The following OIP5 variants were observed in gnomAD, a reference collection of about 807,000 sequenced individuals.
The protein encoded by OIP5 is Opa interacting protein 5, also known as protein Mis18-beta.
Under a neutral mutation model 20.3 loss-of-function variants are expected in OIP5, and 24 were observed. The observed-to-expected ratio is 1.18, with a 90% CI of 0.86 to 1.66. The LOEUF (loss-of-function observed/expected upper bound fraction) is 1.66. Ranked by LOEUF, OIP5 falls within the 40% of genes most tolerant of loss-of-function variation. The probability of loss-of-function intolerance (pLI) is 0.00; values close to 1 mark genes in which losing one functional copy is unlikely to be tolerated. For synonymous variants in OIP5, 143 were observed against 121.3 expected, an observed-to-expected ratio of 1.18 and a Z score of -1.17; for missense variants, 339 against 289.5, an observed-to-expected ratio of 1.17 and a Z score of -1.24.
chr15:41,330,579 ATT>A (rs1298612371), intron 2 of OIP5, among the ~76,000 whole-genome samples: 5 of 151,432 alleles, frequency 3.3e-5, no homozygotes, highest in Non-Finnish European at 5.9e-5. Context: ...AATTTTTTGT[ATT>A]TTTAGTAGAG....
chr15:41,332,261 G>A lies in OIP5; in HGVS notation c.301C>T (p.Leu101Phe), dbSNP rs749958557. ...VHLAWDLSRS[L>F]GAVVFSRVTN... ...TCACTGGAGAAGACCACGGCCCCGA[G>A]GGACCGCGACAGGTCCCAGGCGAGG... Residue 101 changes from leucine to phenylalanine, a missense_variant, in exon 1 of 5, where the codon CTC becomes TTC. Coordinates refer to ENST00000220514, the MANE Select transcript of OIP5 (RefSeq NM_007280.2). 3.2e-6 allele frequency: 5 copies of A among 1,551,712 alleles called. No individual in the cohort carries two copies. Among genetic ancestry groups the A allele is most frequent in the South Asian group, 2.5e-5 (2 of 81,304 alleles).
chr15:41,329,460 C>T (rs1396672872), intron 2 of OIP5, among the ~76,000 whole-genome samples: 1 of 151,680 alleles, frequency 6.6e-6, no homozygotes, highest in Non-Finnish European at 1.5e-5. Flanking sequence ...GGACTATAGG[C>T]GCTTGCCACC....
At chr15:41,314,514 A>G (rs2047778094) in intron 3 of OIP5, among the ~76,000 whole-genome samples, 1 of 152,102 alleles carries the variant, frequency 6.6e-6, no homozygotes, top group African/African-American at 2.4e-5. Context: ...CAAGGGTAAG[A>G]AAATGGGATG....
At chr15:41,310,628 C>CAAA (rs1240547687) in intron 4 of OIP5, among the ~76,000 whole-genome samples, 1 of 60,402 alleles carries the variant, frequency 1.7e-5, no homozygotes, top group East Asian at 5.0e-4. Context: ...GACTCCGTCT[C>CAAA]AAAAAAAAAA....
At chr15:41,321,115 C>T (rs2047821647) in intron 2 of OIP5, among the ~76,000 whole-genome samples, 1 of 134,158 alleles carries the variant, frequency 7.5e-6, no homozygotes, top group African/African-American at 2.5e-5. Context: ...AAGTGAGGAG[C>T]GTCTCCGCCC....
At chr15:41,323,061 AGTAAT>A (rs752477339) in intron 2 of OIP5, among the ~76,000 whole-genome samples, 21 of 152,272 alleles carry the variant, frequency 1.4e-4, no homozygotes, top group Admixed American at 2.0e-4. Flanking sequence ...CCACACATAT[AGTAAT>A]GTAATCTTGT....
intron 3 of OIP5, among the ~76,000 whole-genome samples, chr15:41,316,188 G>A (rs574174025): frequency 1.1e-4 from 17 of 152,166 alleles, no homozygotes; most frequent in Middle Eastern, 3.4e-3. Flanking sequence ...ATTAATGCCT[G>A]TAATCTTAAC....
At chr15:41,312,491 G>A (rs747224138) in intron 4 of OIP5, among the ~76,000 whole-genome samples, 13 of 151,076 alleles carry the variant, frequency 8.6e-5, no homozygotes, top group Non-Finnish European at 1.5e-4. Context: ...ACGCAGTCTC[G>A]CTCTGTTGCC....
intron 2 of OIP5, among the ~76,000 whole-genome samples, chr15:41,328,665 C>T (rs2047877471): frequency 6.6e-6 from 1 of 152,010 alleles, no homozygotes; most frequent in Non-Finnish European, 1.5e-5. Flanking sequence ...AGGTTCATGC[C>T]AATTGTAGAA....
At chr15:41,317,602 G>C (rs184334857) in intron 3 of OIP5, among the ~76,000 whole-genome samples, 1 of 151,888 alleles carries the variant, frequency 6.6e-6, no homozygotes, top group East Asian at 1.9e-4. Context: ...GGATGATCTC[G>C]ATCTCCTGAC....
intron 4 of OIP5, among the ~76,000 whole-genome samples, chr15:41,312,794 A>G (rs896696193): frequency 6.6e-6 from 1 of 151,918 alleles, no homozygotes; most frequent in South Asian, 2.1e-4. Context: ...ACGCCCGGCT[A>G]ATTTTTTGTA....
At chr15:41,331,522 C>A (rs1255342212) in intron 2 of OIP5, among the ~76,000 whole-genome samples, 1 of 152,160 alleles carries the variant, frequency 6.6e-6, no homozygotes, top group East Asian at 1.9e-4. Flanking sequence ...AAGGTAGGGG[C>A]TGTAGTGAGC....
chr15:41,325,748 G>T (rs1394905235), intron 2 of OIP5, among the ~76,000 whole-genome samples: 5 of 151,562 alleles, frequency 3.3e-5, no homozygotes, highest in Non-Finnish European at 7.4e-5. Flanking sequence ...TACTAGGGAG[G>T]CTGAGGCAGG....
chr15:41,330,015 T>A (rs2140468197), intron 2 of OIP5, among the ~76,000 whole-genome samples: 1 of 152,224 alleles, frequency 6.6e-6, no homozygotes, highest in South Asian at 2.1e-4. Context: ...CTTTAAAAAA[T>A]AAAATAAAAA....
intron 2 of OIP5, among the ~76,000 whole-genome samples, chr15:41,320,514 G>A (rs1184705663): frequency 1.3e-5 from 2 of 152,162 alleles, no homozygotes; most frequent in South Asian, 2.1e-4. Context: ...TCCTAACCGC[G>A]AGTGATCCAC....
At chr15:41,326,780 T>C (rs2047864537) in intron 2 of OIP5, among the ~76,000 whole-genome samples, 2 of 152,186 alleles carry the variant, frequency 1.3e-5, no homozygotes, top group South Asian at 4.1e-4. Flanking sequence ...CCATCCGTGC[T>C]GAGCTGCTTT....
rs549942047 is a variant in OIP5 at position 41,311,889 on chromosome 15, T to TC, written c.594+1383dup. ...CCAATAAGAATTCTTTTTTTTTTTT[T>TC]CCACACAGAGTTTCGCTCTCAATGG... On this transcript the variant is annotated intron_variant, in intron 4 of 4. Coordinates refer to ENST00000220514, the MANE Select transcript of OIP5 (RefSeq NM_007280.2). Among the ~76,000 whole-genome samples the TC allele has an allele frequency of 7.8e-5, 11 of 140,660 alleles. 1 individual carries two copies. The highest frequency in any genetic ancestry group is 1.3e-4 in the Non-Finnish European group (8 of 61,980). 92.3% of individuals were successfully genotyped at this position (140,660 alleles called of 152,430 possible).
chr15:41,317,777 G>A (rs1023080855), intron 3 of OIP5, among the ~76,000 whole-genome samples: 5 of 152,034 alleles, frequency 3.3e-5, no homozygotes, highest in African/African-American at 7.2e-5. Flanking sequence ...CTCCTGGGCT[G>A]TAGCTATCCT....
At chr15:41,320,662 G>A (rs1595501196) in intron 2 of OIP5, among the ~76,000 whole-genome samples, 1 of 152,128 alleles carries the variant, frequency 6.6e-6, no homozygotes. Flanking sequence ...GCCTGCCTTG[G>A]CCTCCCAAAG....
Sources: allele counts gnomAD v4.1 joint callset (sites outside exome capture counted in the v4.1 genomes callset), GRCh38; gene constraint gnomAD v4.1.1; transcripts MANE v1.5; gene names NCBI Gene and HGNC (gene_info 2026-07-23, HGNC 2026-07-21).